SDK1: variants seen among roughly 807,000 people sequenced by gnomAD.
SDK1 encodes the protein sidekick cell adhesion molecule 1, also known as protein sidekick-1.
In SDK1, 157 loss-of-function variants were observed where a neutral mutation model predicts 245.5. The ratio of observed to expected loss-of-function variants is 0.64; its 90% CI spans 0.56 to 0.73. The LOEUF is 0.73. Ranked by LOEUF, SDK1 falls within the 30% of genes least tolerant of loss-of-function variation. The pLI is 0.00. For synonymous variants in SDK1, 1,647 were observed against 1,278.5 expected (o/e 1.29, Z -6.15); for missense variants, 3,583 against 3,002.3 (o/e 1.19, Z -4.52).
chr7:3,684,959 T>C (rs779189624), intron 4 of SDK1, among the ~76,000 whole-genome samples: 5 of 151,922 alleles, frequency 3.3e-5, no homozygotes, highest in Non-Finnish European at 7.4e-5. Context: ...AAAAAATAGA[T>C]TGGACACAAC....
chr7:3,570,773 A>T (rs1057185071), intron 1 of SDK1, among the ~76,000 whole-genome samples: 17 of 152,196 alleles, frequency 1.1e-4, no homozygotes, highest in African/African-American at 3.9e-4. Flanking sequence ...AAGGCATTTC[A>T]GGCTTTGCTC....
intron 1 of SDK1, among the ~76,000 whole-genome samples, chr7:3,443,888 C>G (rs996662617): frequency 6.6e-6 from 1 of 152,180 alleles, no homozygotes; most frequent in South Asian, 2.1e-4. Context: ...TAAACCACAG[C>G]AGAACATGAT....
intron 14 of SDK1, among the ~76,000 whole-genome samples, chr7:4,008,202 C>T (rs997062169): frequency 1.3e-5 from 2 of 152,202 alleles, no homozygotes; most frequent in Non-Finnish European, 2.9e-5. Context: ...CATCCATGTT[C>T]CGCCATGTGT....
chr7:3,783,474 CAA>C (rs56902874), intron 4 of SDK1, among the ~76,000 whole-genome samples: 1 of 135,732 alleles, frequency 7.4e-6, no homozygotes. Flanking sequence ...CAGACCCCAC[CAA>C]AAAAAAAAAA....
intron 1 of SDK1, among the ~76,000 whole-genome samples, chr7:3,551,841 TA>T (rs1358991709): frequency 6.6e-6 from 1 of 152,052 alleles, no homozygotes; most frequent in Non-Finnish European, 1.5e-5. Context: ...GCACCTGGCC[TA>T]AATTTTTTTT....
At chr7:4,139,399 ATGTGTGTGTGTATATG>A (rs1168122146) in intron 28 of SDK1, among the ~76,000 whole-genome samples, 4 of 142,402 alleles carry the variant, frequency 2.8e-5, no homozygotes, top group African/African-American at 1.0e-4. Flanking sequence ...GTGTGTGTAT[ATGTGTGTGTGTATATG>A]TGTGTGTGTG....
intron 30 of SDK1, among the ~76,000 whole-genome samples, chr7:4,150,664 G>A (rs1237632162): frequency 6.6e-6 from 1 of 152,224 alleles, no homozygotes. Flanking sequence ...GCAGGTCCCA[G>A]GTGAAGCCCC....
chr7:3,591,511 T>C (rs1218058926), intron 1 of SDK1, among the ~76,000 whole-genome samples: 2 of 152,252 alleles, frequency 1.3e-5, no homozygotes, highest in Non-Finnish European at 2.9e-5. Flanking sequence ...TAAAGAAATA[T>C]TTTGCACTGG....
At chr7:4,101,818 G>A (rs1782569497) in intron 22 of SDK1, among the ~76,000 whole-genome samples, 1 of 152,066 alleles carries the variant, frequency 6.6e-6, no homozygotes, top group African/African-American at 2.4e-5. Context: ...AAGGGCCCTA[G>A]GAAGGAAGCC....
At chr7:3,417,758 A>T (rs894453943) in intron 1 of SDK1, among the ~76,000 whole-genome samples, 4 of 152,142 alleles carry the variant, frequency 2.6e-5, no homozygotes, top group Admixed American at 2.6e-4. Flanking sequence ...CCTGAGGGAG[A>T]TTTGTTGAGT....
In SDK1 at chr7:3,387,833, A is replaced by C. The variant is rs139874077; in HGVS notation, c.298+85949A>C. 5.1e-3 allele frequency among the ~76,000 whole-genome samples: 773 copies of C among 152,348 alleles called. 8 individuals are homozygous for C. The highest frequency in any genetic ancestry group is 0.017 in the African/African-American group (715 of 41,592). Reference sequence around the variant, plus strand: ...ACTACATGTCAGTACCATTTTGAACATTGTACACGTTGCGGTTTACTTAAT... The same window carrying C: ...ACTACATGTCAGTACCATTTTGAACCTTGTACACGTTGCGGTTTACTTAAT... On this transcript the variant is annotated intron_variant, in intron 1 of 44. Coordinates refer to ENST00000404826, the MANE Select transcript of SDK1 (RefSeq NM_152744.4).
chr7:3,521,505 C>T (rs151094539), intron 1 of SDK1, among the ~76,000 whole-genome samples: 6 of 151,948 alleles, frequency 3.9e-5, no homozygotes, highest in African/African-American at 7.3e-5. Context: ...TCCTGACACA[C>T]GAGTTGGTAA....
At chr7:4,186,927 C>T (rs1782930309) in intron 35 of SDK1, among the ~76,000 whole-genome samples, 1 of 152,170 alleles carries the variant, frequency 6.6e-6, no homozygotes, top group Admixed American at 6.5e-5. Context: ...AGTGGCCAGA[C>T]CTGGGATTGC....
chr7:3,974,553 C>G lies in SDK1; in HGVS notation c.1994+8C>G. 6.2e-7 allele frequency: 1 copy of G among 1,613,474 alleles called. No homozygotes were observed. The highest frequency in any genetic ancestry group is 1.7e-5 in the Admixed American group (1 of 60,000). On this transcript the variant is annotated splice_region_variant and intron_variant, in intron 13 of 44. Transcript: ENST00000404826. ...GGCCCGGCTGGAAGTGATGTGAGTA[C>G]TGAGACGTTTGGTGTTAGCCAGTCC...
At chr7:3,454,247 C>G (rs766963617) in intron 1 of SDK1, among the ~76,000 whole-genome samples, 1 of 152,088 alleles carries the variant, frequency 6.6e-6, no homozygotes, top group Non-Finnish European at 1.5e-5. Context: ...CAAATAAAAT[C>G]GATACAGCTA....
chr7:3,780,038 AG>A (rs1780684695), intron 4 of SDK1, among the ~76,000 whole-genome samples: 1 of 152,308 alleles, frequency 6.6e-6, no homozygotes, highest in East Asian at 1.9e-4. Flanking sequence ...ACACACCAAA[AG>A]GTGAACTTGC....
chr7:3,829,786 A>G (rs1779869504), intron 5 of SDK1, among the ~76,000 whole-genome samples: 1 of 152,176 alleles, frequency 6.6e-6, no homozygotes, highest in Non-Finnish European at 1.5e-5. Context: ...CTGTTCTGAT[A>G]TCAAAACCAC....
rs1779189775 is a variant in SDK1, at chr7:3,731,910, G to C, written c.714-89540G>C. The stretch of plus-strand genomic sequence containing the variant: ...AGGTTCAAGCGATTATCCTGCCTCA[G>C]CCTCCTGAGTAGCTGGGACTACAGG... On this transcript the variant is annotated intron_variant, in intron 4 of 44. Transcript: ENST00000404826. Among the ~76,000 whole-genome samples the C allele has an allele frequency of 2.0e-5, 3 of 152,118 alleles. No individual in the cohort carries two copies. The South Asian group carries it at 6.2e-4, about 31-fold the overall frequency.
intron 5 of SDK1, among the ~76,000 whole-genome samples, chr7:3,930,332 G>C (rs761397030): frequency 3.4e-4 from 52 of 152,194 alleles, no homozygotes; most frequent in Non-Finnish European, 5.3e-4. Context: ...GGCTTCACCT[G>C]GGTGTGGAGT....
Sources: allele counts gnomAD v4.1 joint callset (sites outside exome capture counted in the v4.1 genomes callset), GRCh38; gene constraint gnomAD v4.1.1; transcripts MANE v1.5; gene names NCBI Gene and HGNC (gene_info 2026-07-23, HGNC 2026-07-21).